Variants in ARHGAP24 observed in about 807,000 individuals in gnomAD.
The protein encoded by ARHGAP24 is rho GTPase-activating protein 24.
A neutral mutation model predicts 76.4 loss-of-function variants in ARHGAP24; 50 were observed. The ratio of observed to expected loss-of-function variants is 0.65; its 90% CI spans 0.52 to 0.83. ARHGAP24 has a LOEUF of 0.83. Among genes scored for constraint, ARHGAP24 ranks in the 40% least tolerant of loss-of-function variants. The pLI, the probability that ARHGAP24 is intolerant of heterozygous loss-of-function variation, is 0.00. For missense variants in ARHGAP24, 930 were observed against 914.2 expected (o/e 1.02, Z -0.22); for synonymous variants, 345 against 323.3 (o/e 1.07, Z -0.72).
intron 3 of ARHGAP24, among the ~76,000 whole-genome samples, chr4:85,893,637 T>C (rs1733962928): frequency 8.9e-6 from 1 of 112,202 alleles, no homozygotes; most frequent in Non-Finnish European, 1.8e-5. Context: ...TTTGGCTGGA[T>C]ATGAAATTCT....
intron 2 of ARHGAP24, among the ~76,000 whole-genome samples, chr4:85,587,711 G>C (rs181736458): frequency 5.5e-4 from 84 of 152,270 alleles, no homozygotes; most frequent in African/African-American, 1.8e-3. Flanking sequence ...CCTTGGACTT[G>C]ATAGACTAGG....
chr4:85,802,194 A>G (rs2110105359), intron 3 of ARHGAP24, among the ~76,000 whole-genome samples: 1 of 152,314 alleles, frequency 6.6e-6, no homozygotes, highest in African/African-American at 2.4e-5. Flanking sequence ...GTTGCTATGT[A>G]GCGCTAACCA....
intron 3 of ARHGAP24, among the ~76,000 whole-genome samples, chr4:85,810,858 T>C (rs1288569452): frequency 6.6e-6 from 1 of 152,214 alleles, no homozygotes; most frequent in African/African-American, 2.4e-5. Context: ...TTAATGTTAT[T>C]AATTTTATTA....
In ARHGAP24 at chr4:85,874,815, T is replaced by C. The variant is rs1453042381; in HGVS notation, c.269-48833T>C. 2.9e-4 allele frequency among the ~76,000 whole-genome samples: 6 copies of C among 20,434 alleles called. 2 individuals are homozygous for C. The highest frequency in any genetic ancestry group is 9.9e-4 in the African/African-American group (6 of 6,050). 13.4% of individuals were successfully genotyped at this position (20,434 alleles called of 152,430 possible). ...ATAATTTATATATAAAATATATTTA[T>C]ATATAATTTATATATAAAATATATT... On this transcript the variant is annotated intron_variant, in intron 3 of 9. Coordinates refer to ENST00000395184, the MANE Select transcript of ARHGAP24 (RefSeq NM_001025616.3).
intron 3 of ARHGAP24, among the ~76,000 whole-genome samples, chr4:85,758,819 A>C (rs1414156935): frequency 6.6e-6 from 1 of 152,202 alleles, no homozygotes; most frequent in Non-Finnish European, 1.5e-5. Flanking sequence ...TTGGAAGAGG[A>C]GAATATTAAG....
chr4:85,919,172 C>T (rs542354351), intron 3 of ARHGAP24, among the ~76,000 whole-genome samples: 4 of 152,074 alleles, frequency 2.6e-5, no homozygotes, highest in Non-Finnish European at 2.9e-5. Flanking sequence ...ATTTTTTATT[C>T]GAAATGGTTA....
intron 3 of ARHGAP24, among the ~76,000 whole-genome samples, chr4:85,740,096 T>TTTTG (rs201349923): frequency 2.6e-5 from 4 of 152,174 alleles, no homozygotes; most frequent in East Asian, 3.9e-4. Context: ...TTGGGTTTTG[T>TTTTG]TTTGTTTGTT....
At chr4:85,828,392 A>G (rs1192363887) in intron 3 of ARHGAP24, among the ~76,000 whole-genome samples, 1 of 152,194 alleles carries the variant, frequency 6.6e-6, no homozygotes, top group Non-Finnish European at 1.5e-5. Flanking sequence ...TTAGTGGTTG[A>G]AACTTTGAGA....
chr4:85,719,997 A>C (rs1160513613), intron 2 of ARHGAP24, among the ~76,000 whole-genome samples: 1 of 151,994 alleles, frequency 6.6e-6, no homozygotes, highest in Non-Finnish European at 1.5e-5. Context: ...GAAAGCAAAA[A>C]AGTGTAAGAG....
chr4:85,708,830 T>C (rs896760917), intron 2 of ARHGAP24, among the ~76,000 whole-genome samples: 14 of 152,220 alleles, frequency 9.2e-5, no homozygotes, highest in Admixed American at 2.6e-4. Context: ...AAATAAATTC[T>C]CCTGGGAGAA....
At chr4:85,691,256 T>C (rs545967017) in intron 2 of ARHGAP24, among the ~76,000 whole-genome samples, 1 of 152,300 alleles carries the variant, frequency 6.6e-6, no homozygotes, top group African/African-American at 2.4e-5. Flanking sequence ...GAGACTTTCT[T>C]TATGACCAAA....
intron 3 of ARHGAP24, among the ~76,000 whole-genome samples, chr4:85,804,997 G>A (rs538517306): frequency 5.9e-5 from 9 of 151,978 alleles, no homozygotes; most frequent in Non-Finnish European, 1.2e-4. Flanking sequence ...GTTATATTAG[G>A]TACCATCTTA....
chr4:85,792,944 T>A (rs1307355386), intron 3 of ARHGAP24, among the ~76,000 whole-genome samples: 3 of 152,198 alleles, frequency 2.0e-5, no homozygotes, highest in African/African-American at 7.2e-5. Flanking sequence ...TGTTTTTCAG[T>A]ACTGAAGAAA....
At chr4:85,887,097 A>G (rs1313839389) in intron 3 of ARHGAP24, among the ~76,000 whole-genome samples, 1 of 152,150 alleles carries the variant, frequency 6.6e-6, no homozygotes, top group Non-Finnish European at 1.5e-5. Context: ...CCAATATTCA[A>G]GAAATATTTG....
intron 3 of ARHGAP24, among the ~76,000 whole-genome samples, chr4:85,728,045 AC>A (rs1725235203): frequency 6.6e-6 from 1 of 152,078 alleles, no homozygotes; most frequent in Admixed American, 6.5e-5. Context: ...TATTTATCCT[AC>A]CTTTAGCCAC....
intron 1 of ARHGAP24, among the ~76,000 whole-genome samples, chr4:85,536,283 C>T (rs1725469405): frequency 6.6e-6 from 1 of 152,078 alleles, no homozygotes; most frequent in Non-Finnish European, 1.5e-5. Context: ...GCTATGAACA[C>T]ATAAACCCTT....
intron 2 of ARHGAP24, among the ~76,000 whole-genome samples, chr4:85,668,785 G>T (rs1578126382): frequency 6.6e-6 from 1 of 152,184 alleles, no homozygotes. Flanking sequence ...AACAATGAGG[G>T]ATCATGGAGG....
chr4:85,637,423 T>C (rs896394822), intron 2 of ARHGAP24, among the ~76,000 whole-genome samples: 2 of 152,130 alleles, frequency 1.3e-5, no homozygotes, highest in Admixed American at 1.3e-4. Context: ...TCTTTAGGTA[T>C]TCATTCAACT....
intron 3 of ARHGAP24, chr4:85,779,094 T>C (rs983561775): frequency 8.9e-6 from 6 of 671,952 alleles, no homozygotes; most frequent in Non-Finnish European, 1.1e-5. Flanking sequence ...TGAAAATATT[T>C]TAGCTTTTTA....
Sources: gnomAD v4.1 joint callset for allele counts (sites outside exome capture counted in the v4.1 genomes callset) on GRCh38, gnomAD v4.1.1 for gene constraint, MANE v1.5 for transcripts, NCBI Gene and HGNC (gene_info 2026-07-23, HGNC 2026-07-21) for gene names.